The following GALNT13 variants were observed in gnomAD, a reference collection of about 807,000 sequenced individuals.
GALNT13 encodes polypeptide N-acetylgalactosaminyltransferase 13, also known as UDP-GalNAc:polypeptide N-acetylgalactosaminyltransferase 13.
A neutral mutation model predicts 64.2 loss-of-function variants in GALNT13; 28 were observed. That is an observed-to-expected ratio of 0.44 (90% CI 0.32 to 0.60). The LOEUF is 0.60. Ranked by LOEUF, GALNT13 falls within the 20% of genes least tolerant of loss-of-function variation. GALNT13 has a pLI of 0.05. For synonymous variants in GALNT13, 214 were observed against 224.6 expected, an observed-to-expected ratio of 0.95 and a Z score of 0.42; for missense variants, 577 against 669.8, an observed-to-expected ratio of 0.86 and a Z score of 1.53.
intron 1 of GALNT13, among the ~76,000 whole-genome samples, chr2:153,899,724 C>G (rs982756101): frequency 6.6e-6 from 1 of 151,968 alleles, no homozygotes; most frequent in East Asian, 1.9e-4. Flanking sequence ...AGCACAACCT[C>G]TGTATTATTT....
the GALNT13 span, among the ~76,000 whole-genome samples, chr2:153,183,689 C>T: frequency 6.6e-5 from 10 of 152,294 alleles, no homozygotes; most frequent in South Asian, 1.2e-3. Context: ...CTGCATATGG[C>T]TAGCCAGCTC....
At chr2:153,433,355 A>G in the GALNT13 span, among the ~76,000 whole-genome samples, 1 of 152,234 alleles carries the variant, frequency 6.6e-6, no homozygotes, top group Non-Finnish European at 1.5e-5. Context: ...CCTTGATTTA[A>G]TGTCAAGTAT....
At chr2:154,019,655 A>C (rs56275217) in intron 3 of GALNT13, among the ~76,000 whole-genome samples, 5,293 of 108,738 alleles carry the variant, frequency 0.049, 148 homozygotes, top group Non-Finnish European at 0.083. Flanking sequence ...CACACACACA[A>C]AAGCAAGAAA....
At chr2:153,758,748 C>T in the GALNT13 span, among the ~76,000 whole-genome samples, 1 of 152,022 alleles carries the variant, frequency 6.6e-6, no homozygotes, top group Non-Finnish European at 1.5e-5. Flanking sequence ...CTGTGTGCCG[C>T]ACCCAGCTAA....
chr2:154,293,577 G>A (rs916207282), intron 8 of GALNT13, among the ~76,000 whole-genome samples: 7 of 152,124 alleles, frequency 4.6e-5, no homozygotes, highest in African/African-American at 1.7e-4. Flanking sequence ...AGTCTTGGAA[G>A]TAGTCATTAT....
At chr2:153,129,640 G>T in the GALNT13 span, among the ~76,000 whole-genome samples, 16 of 152,148 alleles carry the variant, frequency 1.1e-4, no homozygotes, top group Middle Eastern at 3.4e-3. Flanking sequence ...GAGCATGATG[G>T]CATGCATCTG....
At chr2:153,932,151 C>T (rs1475497358) in intron 2 of GALNT13, among the ~76,000 whole-genome samples, 1 of 152,008 alleles carries the variant, frequency 6.6e-6, no homozygotes, top group Admixed American at 6.6e-5. Context: ...TCTCCTTTGT[C>T]ACTTATGATT....
chr2:153,505,003 A>G, the GALNT13 span, among the ~76,000 whole-genome samples: 4 of 152,190 alleles, frequency 2.6e-5, no homozygotes, highest in Middle Eastern at 3.4e-3. Flanking sequence ...CAGTAAATTA[A>G]TCTGGTCCTG....
At chr2:154,164,237 T>G (rs1684897988) in intron 4 of GALNT13, among the ~76,000 whole-genome samples, 3 of 152,220 alleles carry the variant, frequency 2.0e-5, no homozygotes, top group South Asian at 2.1e-4. Flanking sequence ...TTCACAATCT[T>G]TATCAGGAAA....
chr2:153,201,983 T>C, the GALNT13 span, among the ~76,000 whole-genome samples: 1 of 147,120 alleles, frequency 6.8e-6, no homozygotes, highest in African/African-American at 2.5e-5. Flanking sequence ...CTTTTTTTTT[T>C]TTTTTTTTTT....
the GALNT13 span, among the ~76,000 whole-genome samples, chr2:153,425,375 A>G: frequency 6.6e-6 from 1 of 151,734 alleles, no homozygotes; most frequent in Non-Finnish European, 1.5e-5. Flanking sequence ...TTTAACATTC[A>G]GGTTCTATAG....
the GALNT13 span, among the ~76,000 whole-genome samples, chr2:153,238,844 T>A: frequency 6.6e-6 from 1 of 152,150 alleles, no homozygotes; most frequent in African/African-American, 2.4e-5. Flanking sequence ...TAATTCTATA[T>A]AAATGTTAAG....
the GALNT13 span, among the ~76,000 whole-genome samples, chr2:153,766,342 CTTCTT>C: frequency 0.012 from 1,897 of 152,172 alleles, 35 homozygotes; most frequent in African/African-American, 0.042. Context: ...ATGGCAATCT[CTTCTT>C]TTGGTTGAAT....
the GALNT13 span, among the ~76,000 whole-genome samples, chr2:153,106,251 G>A: frequency 6.6e-6 from 1 of 152,146 alleles, no homozygotes; most frequent in African/African-American, 2.4e-5. Context: ...AAAAAATTAT[G>A]ATAAATTATG....
chr2:153,761,626 G>A, the GALNT13 span: 2 of 152,360 alleles, frequency 1.3e-5, no homozygotes, highest in Non-Finnish European at 2.9e-5. Flanking sequence ...ACCCAACTAA[G>A]AGAGCTTATC....
chr2:154,384,919 A>G (rs1313622144), intron 9 of GALNT13, among the ~76,000 whole-genome samples: 1 of 151,890 alleles, frequency 6.6e-6, no homozygotes, highest in East Asian at 1.9e-4. Flanking sequence ...GATGCATTAA[A>G]ATGTCCCCTA....
At chr2:153,642,544 G>C in the GALNT13 span, among the ~76,000 whole-genome samples, 18 of 151,944 alleles carry the variant, frequency 1.2e-4, no homozygotes, top group East Asian at 3.5e-3. Flanking sequence ...TTCTAAAATG[G>C]TGTGTATCTA....
chr2:153,826,673 C>G, the GALNT13 span, among the ~76,000 whole-genome samples: 19 of 139,300 alleles, frequency 1.4e-4, no homozygotes, highest in Non-Finnish European at 2.4e-4. Context: ...TTTTAATGGC[C>G]CCTATAGCTA....
chr2:153,567,651 G>A, the GALNT13 span, among the ~76,000 whole-genome samples: 3 of 152,144 alleles, frequency 2.0e-5, no homozygotes, highest in South Asian at 2.1e-4. Flanking sequence ...AAGTGAGATA[G>A]GACACCAAAC....
Sources: allele counts gnomAD v4.1 joint callset (sites outside exome capture counted in the v4.1 genomes callset), GRCh38; gene constraint gnomAD v4.1.1; transcripts MANE v1.5; gene names NCBI Gene and HGNC (gene_info 2026-07-23, HGNC 2026-07-21).